Variants in LDAH observed in about 807,000 individuals in gnomAD.
LDAH encodes lipid droplet-associated hydrolase.
Under a neutral mutation model 29.6 loss-of-function variants are expected in LDAH, and 26 were observed. That is an observed-to-expected ratio of 0.88 (90% CI 0.64 to 1.22). LDAH has a LOEUF of 1.22. LDAH is among the 50% of genes most tolerant of loss of function. The pLI is 0.00. For synonymous variants in LDAH, 117 were observed against 133.0 expected, an observed-to-expected ratio of 0.88 and a Z score of 0.83; for missense variants, 344 against 387.3, an observed-to-expected ratio of 0.89 and a Z score of 0.94.
chr2:20,732,576 C>T (rs1666482402), intron 5 of LDAH, among the ~76,000 whole-genome samples: 1 of 152,182 alleles, frequency 6.6e-6, no homozygotes, highest in Non-Finnish European at 1.5e-5. Flanking sequence ...TTATAAGGCT[C>T]TTCAAATGGT....
intron 5 of LDAH, among the ~76,000 whole-genome samples, chr2:20,719,619 C>G (rs1403130995): frequency 6.6e-6 from 1 of 152,028 alleles, no homozygotes; most frequent in Non-Finnish European, 1.5e-5. Context: ...TATTTCCAAA[C>G]TCATTCTATG....
chr2:20,716,334 C>A (rs1665175334), intron 5 of LDAH, among the ~76,000 whole-genome samples: 1 of 152,018 alleles, frequency 6.6e-6, no homozygotes, highest in Non-Finnish European at 1.5e-5. Context: ...ACCCAAATGT[C>A]CATCAATGAT....
chr2:20,764,178 T>TGC (rs1491558592), intron 4 of LDAH, among the ~76,000 whole-genome samples: 5 of 52,870 alleles, frequency 9.5e-5, no homozygotes, highest in South Asian at 1.7e-3. Flanking sequence ...GAAAAGATAA[T>TGC]GTGTGTGTGT....
intron 4 of LDAH, among the ~76,000 whole-genome samples, chr2:20,767,564 A>G (rs1012330927): frequency 6.6e-6 from 1 of 152,234 alleles, no homozygotes; most frequent in African/African-American, 2.4e-5. Flanking sequence ...GCCCCTTGGC[A>G]CAAGCAACCT....
chr2:20,758,521 G>A (rs1668476870), intron 4 of LDAH, among the ~76,000 whole-genome samples: 1 of 152,170 alleles, frequency 6.6e-6, no homozygotes. Flanking sequence ...AAGAGTTACT[G>A]TATGCAGATT....
intron 5 of LDAH, among the ~76,000 whole-genome samples, chr2:20,703,265 C>T (rs1384377251): frequency 6.6e-6 from 1 of 152,230 alleles, no homozygotes; most frequent in Admixed American, 6.5e-5. Context: ...TCTTTTCCAT[C>T]ATTTCCCATT....
chr2:20,736,559 G>C (rs1175582830), intron 5 of LDAH, among the ~76,000 whole-genome samples: 4 of 152,110 alleles, frequency 2.6e-5, no homozygotes, highest in South Asian at 4.2e-4. Context: ...TTGGGCAAAA[G>C]GATTATTTTA....
chr2:20,771,652 G>A (rs886588303), intron 4 of LDAH, among the ~76,000 whole-genome samples: 1 of 152,028 alleles, frequency 6.6e-6, no homozygotes, highest in Admixed American at 6.5e-5. Flanking sequence ...GATGGGGTAG[G>A]GAATTTCAAC....
chr2:20,790,025 G>C (rs187177651), intron 3 of LDAH, among the ~76,000 whole-genome samples: 1 of 152,110 alleles, frequency 6.6e-6, no homozygotes, highest in Non-Finnish European at 1.5e-5. Context: ...TTACTAATTG[G>C]TAAATAAAGA....
At chr2:20,758,065 G>C (rs1372055477) in intron 4 of LDAH, among the ~76,000 whole-genome samples, 1 of 152,010 alleles carries the variant, frequency 6.6e-6, no homozygotes, top group Non-Finnish European at 1.5e-5. Flanking sequence ...GGCAAACCTG[G>C]ACTAATACAC....
chr2:20,702,547 C>G (rs988798654), intron 5 of LDAH, among the ~76,000 whole-genome samples: 1 of 152,182 alleles, frequency 6.6e-6, no homozygotes, highest in Admixed American at 6.5e-5. Context: ...CCTACGCTTT[C>G]TTGTTATTTC....
At chr2:20,779,492 T>C (rs921288011) in intron 3 of LDAH, among the ~76,000 whole-genome samples, 2 of 151,908 alleles carry the variant, frequency 1.3e-5, no homozygotes, top group Non-Finnish European at 2.9e-5. Flanking sequence ...AAATAAAAAG[T>C]TTCCTCCTTA....
At chr2:20,693,134 A>G (rs1380041668) in intron 6 of LDAH, among the ~76,000 whole-genome samples, 1 of 152,152 alleles carries the variant, frequency 6.6e-6, no homozygotes, top group Non-Finnish European at 1.5e-5. Context: ...AGACAGAACT[A>G]GTTACCTGTG....
chr2:20,752,994 AC>A (rs1668074775), intron 4 of LDAH, among the ~76,000 whole-genome samples: 1 of 152,178 alleles, frequency 6.6e-6, no homozygotes, highest in Admixed American at 6.5e-5. Context: ...AACAACAACA[AC>A]AACAGCAACA....
At chr2:20,751,034 A>G (rs779616029) in intron 4 of LDAH, among the ~76,000 whole-genome samples, 2 of 152,182 alleles carry the variant, frequency 1.3e-5, no homozygotes, top group Admixed American at 6.5e-5. Flanking sequence ...AAAACTACCT[A>G]TTGGGTACTA....
At chr2:20,749,976 G>A (rs1285425376) in intron 4 of LDAH, among the ~76,000 whole-genome samples, 1 of 150,702 alleles carries the variant, frequency 6.6e-6, no homozygotes, top group Non-Finnish European at 1.5e-5. Flanking sequence ...CCCAGACTCA[G>A]CAATAACCGA....
intron 1 of LDAH, among the ~76,000 whole-genome samples, chr2:20,811,999 G>T (rs1421820111): frequency 2.0e-5 from 3 of 152,176 alleles, no homozygotes; most frequent in Non-Finnish European, 4.4e-5. Flanking sequence ...AGGGAAAGGG[G>T]CAGAGATGAC....
intron 6 of LDAH, 111 bp from the exon 7 acceptor site, chr2:20,687,205 G>A (rs1662625592): frequency 2.5e-6 from 2 of 786,944 alleles, no homozygotes; most frequent in South Asian, 3.7e-5. Flanking sequence ...CTGACCCTGG[G>A]AGCTAGTCCC....
intron 4 of LDAH, among the ~76,000 whole-genome samples, chr2:20,756,325 G>A (rs137934660): frequency 9.9e-4 from 151 of 152,104 alleles, no homozygotes; most frequent in African/African-American, 3.5e-3. Context: ...GAGAGCCACC[G>A]TGCCCAGCCT....
Sources: gnomAD v4.1 joint callset for allele counts (sites outside exome capture counted in the v4.1 genomes callset) on GRCh38, gnomAD v4.1.1 for gene constraint, MANE v1.5 for transcripts, NCBI Gene and HGNC (gene_info 2026-07-23, HGNC 2026-07-21) for gene names.